The following GJB1 variants were observed in gnomAD, a reference collection of about 807,000 sequenced individuals.
The protein encoded by GJB1 is gap junction beta-1 protein.
GJB1 carries 1 observed loss-of-function variant against 12.0 expected under a neutral mutation model. The observed-to-expected ratio is 0.08, with a 90% confidence interval of 0.03 to 0.40. GJB1 has a LOEUF of 0.40. Ranked by LOEUF, GJB1 falls within the 10% of genes least tolerant of loss-of-function variation. The pLI is 0.98. For missense variants in GJB1, 140 were observed against 250.3 expected (o/e 0.56, Z 2.97); for synonymous variants, 114 against 102.8 (o/e 1.11, Z -0.66).
rs757518100 is a variant in GJB1 at position 71,223,644 on chromosome X, T to C, written c.-16-48T>C. 3.0e-4 allele frequency: 357 copies of C among 1,185,828 alleles called. 2 individuals are homozygous for C. The highest frequency in any genetic ancestry group is 3.2e-4 in the Non-Finnish European group (283 of 877,878). ...GCAGGCAGTGCTATGGCGCCCGACT[T>C]TCCACCCCAGCTTTCTGACAGCTTG... On this transcript the variant is annotated intron_variant, in intron 1 of 1. Coordinates refer to ENST00000361726, the MANE Select transcript of GJB1 (RefSeq NM_000166.6).
At chrX:71,216,308 G>C (rs1352574725) in intron 1 of GJB1, among the ~76,000 whole-genome samples, 1 of 110,612 alleles carries the variant, frequency 9.0e-6, no homozygotes, top group Non-Finnish European at 1.9e-5. Flanking sequence ...TTTTAATGGA[G>C]AGAAGTATAG....
chrX:71,219,753 G>A (rs140736058), upstream of GJB1, among the ~76,000 whole-genome samples: 10 of 60,840 alleles, frequency 1.6e-4, no homozygotes, highest in Non-Finnish European at 2.7e-4. Flanking sequence ...CAGCCTGGGC[G>A]ACAGAGCGAG....
At chrX:71,216,465 G>A (rs1203541706) in intron 1 of GJB1, among the ~76,000 whole-genome samples, 2 of 110,025 alleles carry the variant, frequency 1.8e-5, no homozygotes, top group Non-Finnish European at 3.8e-5. Context: ...CCTGTGAGTT[G>A]AAGACAATAG....
chrX:71,223,423 A>C (rs1461495426), intron 1 of GJB1, 88 bp downstream of exon 1: 2 of 418,250 alleles, frequency 4.8e-6, no homozygotes, highest in South Asian at 3.4e-5. Flanking sequence ...TATCGGAACA[A>C]GATGGGCTTG....
intron 1 of GJB1, 78 bp from the exon 2 acceptor site, chrX:71,223,614 G>C: frequency 1.1e-6 from 1 of 926,927 alleles, no homozygotes. Flanking sequence ...GTTGAGGGGG[G>C]GTGCGCAGGC....
At chrX:71,217,631 T>A (rs1387419824) in intron 1 of GJB1, 2 of 112,008 alleles carry the variant, frequency 1.8e-5, no homozygotes, top group Non-Finnish European at 3.8e-5. Context: ...AATGAAATCC[T>A]TGAGGCATTG....
rs1241595912 is a variant in GJB1 at position 71,224,198 on chromosome X, G to A, written c.491G>A (p.Arg164Gln). The A allele has an allele frequency of 1.7e-6, 2 of 1,205,955 alleles. No homozygotes were observed. Among genetic ancestry groups the A allele is most frequent in the Non-Finnish European group, 1.1e-6 (1 of 893,564 alleles). Residue 164 changes from arginine (R) to glutamine (Q), a missense_variant, in exon 2 of 2, where the codon CGG becomes CAG. Transcript: ENST00000361726. ...CTCTACCCTGGCTATGCCATGGTGC[G>A]GCTGGTCAAGTGCGACGTCTACCCC... ...YLLYPGYAMV[R>Q]LVKCDVYPCP...
chrX:71,224,824 C>T lies in GJB1; in HGVS notation c.*265C>T, dbSNP rs776265884. 20 of 435,113 alleles carry T rather than the reference C, an allele frequency of 4.6e-5. No homozygotes were observed. The highest frequency in any genetic ancestry group is 7.4e-5 in the Non-Finnish European group (18 of 242,465). The allele number at this position is 435,113 out of a possible 1,213,427, so 35.9% of individuals were successfully genotyped here. A position where few individuals can be genotyped will look rare whatever the true frequency, so the allele number is the denominator to read the frequency against. ...GCACCCTTCCCTCTTCCCTCTCCCTCTCTCTGGGACCACTGGGTACAAGAG... is the reference window on the plus strand; with the variant it reads ...GCACCCTTCCCTCTTCCCTCTCCCTTTCTCTGGGACCACTGGGTACAAGAG... On this transcript the variant is annotated 3_prime_UTR_variant, in exon 2 of 2. Coordinates refer to ENST00000361726, the MANE Select transcript of GJB1 (RefSeq NM_000166.6).
chrX:71,218,522 C>T (rs775630716), upstream of GJB1, among the ~76,000 whole-genome samples: 4 of 108,846 alleles, frequency 3.7e-5, no homozygotes, highest in East Asian at 1.2e-3. Flanking sequence ...GCGGAGGTTG[C>T]AGTGAGCCGA....
chrX:71,222,130 AG>A (rs1398688114), upstream of GJB1, among the ~76,000 whole-genome samples: 1 of 111,216 alleles, frequency 9.0e-6, no homozygotes, highest in Non-Finnish European at 1.9e-5. Context: ...TGATATAGCC[AG>A]ACCTTGTCCC....
At chrX:71,219,773 C>CGA (rs2092532899), upstream of GJB1, among the ~76,000 whole-genome samples, 4 of 22,056 alleles carry the variant, frequency 1.8e-4, 1 homozygote, top group South Asian at 0.027. Context: ...GACTCCCTCT[C>CGA]AAAAAAAAAA....
chrX:71,220,141 C>CTTTTTT (rs1569213982), upstream of GJB1, among the ~76,000 whole-genome samples: 2 of 69,469 alleles, frequency 2.9e-5, no homozygotes, highest in African/African-American at 2.0e-4. Flanking sequence ...CTGTGCCTGG[C>CTTTTTT]CTTTTTTTTT....
At position 71,224,608 on chromosome X, in the gene GJB1, C is replaced by A. The variant is rs1242256515; in HGVS notation, c.*49C>A. 1.1e-6 allele frequency: 1 copy of A among 943,546 alleles called. No individual in the cohort carries two copies. Among genetic ancestry groups the A allele is most frequent in the Non-Finnish European group, 1.5e-6 (1 of 674,288 alleles). 77.8% of individuals were successfully genotyped at this position (943,546 alleles called of 1,213,427 possible). On this transcript the variant is annotated 3_prime_UTR_variant, in exon 2 of 2. Transcript: ENST00000361726. ...ATCCCACCCCCGACCCTGCCCTGGG[C>A]GAGCCCCTCCTTCTCCCCTGCCGGT...
At chrX:71,220,885 CTTTCCTTTTT>C (rs2092536243), upstream of GJB1, among the ~76,000 whole-genome samples, 3 of 66,541 alleles carry the variant, frequency 4.5e-5, no homozygotes, top group East Asian at 6.2e-4. Context: ...TTCTTTGTTT[CTTTCCTTTTT>C]TTTTTTTTTT....
At chrX:71,221,559 T>C (rs1440709218), upstream of GJB1, among the ~76,000 whole-genome samples, 2 of 110,512 alleles carry the variant, frequency 1.8e-5, no homozygotes, top group African/African-American at 6.6e-5. Flanking sequence ...CTGTGGAGCA[T>C]GCACTGGGGT....
chrX:71,216,928 C>T (rs963659437), intron 1 of GJB1, among the ~76,000 whole-genome samples: 4 of 111,712 alleles, frequency 3.6e-5, no homozygotes, highest in African/African-American at 1.3e-4. Flanking sequence ...CCCTTCCTGA[C>T]CAGTGACTGC....
upstream of GJB1, among the ~76,000 whole-genome samples, chrX:71,218,379 C>G (rs900099300): frequency 1.9e-4 from 19 of 100,852 alleles, no homozygotes; most frequent in Admixed American, 1.1e-4. Flanking sequence ...TTGAATCTCC[C>G]TGTTCCTTTT....
chrX:71,215,877 T>A (rs1172467834), intron 1 of GJB1, among the ~76,000 whole-genome samples: 25 of 109,289 alleles, frequency 2.3e-4, no homozygotes, highest in Non-Finnish European at 3.2e-4. Flanking sequence ...CGGAGATTTT[T>A]TTTTTTTTTT....
upstream of GJB1, among the ~76,000 whole-genome samples, chrX:71,220,109 C>T (rs1258683669): frequency 1.0e-5 from 1 of 97,914 alleles, no homozygotes; most frequent in African/African-American, 4.0e-5. Context: ...TCCCAAAGTG[C>T]TGGGATTACA....
Sources: gnomAD v4.1 joint callset for allele counts (sites outside exome capture counted in the v4.1 genomes callset) on GRCh38, gnomAD v4.1.1 for gene constraint, MANE v1.5 for transcripts, NCBI Gene and HGNC (gene_info 2026-07-23, HGNC 2026-07-21) for gene names.